The following LPP variants were observed in gnomAD, a reference collection of about 807,000 sequenced individuals.
LPP encodes the protein lipoma-preferred partner.
In LPP, 38 loss-of-function variants were observed where a neutral mutation model predicts 60.4. The ratio of observed to expected loss-of-function variants is 0.63; its 90% confidence interval spans 0.49 to 0.83. The LOEUF (loss-of-function observed/expected upper bound fraction) is 0.83, where lower values mean the gene tolerates loss of function less well. Among genes scored for constraint, LPP ranks in the 40% least tolerant of loss-of-function variants. LPP has a pLI of 0.00. For synonymous variants in LPP, 328 were observed against 290.8 expected (o/e 1.13, Z -1.30); for missense variants, 902 against 783.6 (o/e 1.15, Z -1.80).
chr3:188,509,099 C>T (rs73054747), intron 5 of LPP, among the ~76,000 whole-genome samples: 4 of 152,240 alleles, frequency 2.6e-5, no homozygotes, highest in East Asian at 1.9e-4. Flanking sequence ...TATTTTAGGA[C>T]GTATCTTTGG....
chr3:188,562,245 T>C (rs1294702859), intron 6 of LPP: 3 of 152,046 alleles, frequency 2.0e-5, no homozygotes, highest in Non-Finnish European at 1.5e-5. Flanking sequence ...AAATCAAGTG[T>C]ACCAGCATCT....
chr3:188,495,083 T>TATATATATATATATATATATATTTA (rs57578460), intron 5 of LPP, among the ~76,000 whole-genome samples: 6 of 77,788 alleles, frequency 7.7e-5, no homozygotes, highest in African/African-American at 2.6e-4. Context: ...TATATATATA[T>TATATATATATATATATATATATTTA]TTTATTTATA....
At chr3:188,290,667 C>T (rs1224652528) in intron 2 of LPP, among the ~76,000 whole-genome samples, 1 of 152,158 alleles carries the variant, frequency 6.6e-6, no homozygotes, top group Non-Finnish European at 1.5e-5. Flanking sequence ...CTACTAATGA[C>T]CTTGGAAAAG....
At position 188,535,125 on chromosome 3, in the gene LPP, G is replaced by A. The variant is rs3796287; in HGVS notation, c.429+10338G>A. ...TACAAATGCGGACAGAACCATTTGC[G>A]CATTTTGGTCTCTCTGCTTTGGGTC... On this transcript the variant is annotated intron_variant, in intron 6 of 11. Transcript: ENST00000617246. 3.7e-4 allele frequency among the ~76,000 whole-genome samples: 56 copies of A among 151,898 alleles called. No individual in the cohort carries two copies. The South Asian group carries it at 0.01, about 28-fold the overall frequency.
chr3:188,341,293 C>G (rs1363411810), intron 2 of LPP, among the ~76,000 whole-genome samples: 2 of 152,200 alleles, frequency 1.3e-5, no homozygotes. Context: ...CAAATTCATG[C>G]CCTGCCAGAT....
Position 188,886,048 on chromosome 3 carries a change from A to G in LPP, c.*11569A>G, listed in dbSNP as rs1770619207. On this transcript the variant is annotated 3_prime_UTR_variant, in exon 12 of 12. Coordinates refer to ENST00000617246, the MANE Select transcript of LPP (RefSeq NM_001375462.1). Reference sequence around the variant, plus strand: ...TCATCATTCTCAGTAAACTATCTCAAGGACAAAAAACCAAACACCACATGT... The same window carrying G: ...TCATCATTCTCAGTAAACTATCTCAGGGACAAAAAACCAAACACCACATGT... 6.6e-6 allele frequency: 1 copy of G among 152,018 alleles called. No homozygotes were observed. The highest frequency in any genetic ancestry group is 2.4e-5 in the African/African-American group (1 of 41,396). 9.4% of individuals were successfully genotyped at this position (152,018 alleles called of 1,614,324 possible). A position where few individuals can be genotyped will look rare whatever the true frequency, so the allele number is the denominator to read the frequency against.
Position 188,876,183 on chromosome 3 carries a change from G to T in LPP, c.*1704G>T, listed in dbSNP as rs1769235125. 1 of 186,500 alleles carries T rather than the reference G, an allele frequency of 5.4e-6. No individual in the cohort carries two copies. The highest frequency in any genetic ancestry group is 1.1e-5 in the Non-Finnish European group (1 of 88,078). The allele number at this position is 186,500 out of a possible 1,614,324, so 11.6% of individuals were successfully genotyped here. A position where few individuals can be genotyped will look rare whatever the true frequency, so the allele number is the denominator to read the frequency against. On this transcript the variant is annotated 3_prime_UTR_variant, in exon 12 of 12. Coordinates refer to ENST00000617246, the MANE Select transcript of LPP (RefSeq NM_001375462.1). ...CATCAGAACTGAAATAAAAAATTATGGATACGTGTTTTGAATTGCAAACTA... is the reference window on the plus strand; with the variant it reads ...CATCAGAACTGAAATAAAAAATTATTGATACGTGTTTTGAATTGCAAACTA...
rs75426505 is a variant in LPP at position 188,449,001 on chromosome 3, C to T, written c.194-35591C>T. ...GGGCCTTTCGTAGTCAGAGATTATA[C>T]TAAGATAGCAAAAAATAGAAAGTGA... On this transcript the variant is annotated intron_variant, in intron 4 of 11. Transcript: ENST00000617246. 7.3e-3 allele frequency among the ~76,000 whole-genome samples: 1,114 copies of T among 152,230 alleles called. 10 individuals carry two copies. Among genetic ancestry groups the T allele is most frequent in the Non-Finnish European group, 0.012 (846 of 68,018 alleles).
At chr3:188,261,342 C>T (rs930095744) in intron 2 of LPP, among the ~76,000 whole-genome samples, 1 of 148,916 alleles carries the variant, frequency 6.7e-6, no homozygotes, top group Non-Finnish European at 1.5e-5. Flanking sequence ...TTTAGAGTCT[C>T]TCTTTCTCTC....
At chr3:188,230,850 G>A (rs907280273) in intron 2 of LPP, among the ~76,000 whole-genome samples, 2 of 152,140 alleles carry the variant, frequency 1.3e-5, no homozygotes, top group African/African-American at 2.4e-5. Context: ...GCTTGGATGG[G>A]TGCCACAAGA....
chr3:188,347,974 C>T (rs1275655352), intron 3 of LPP, among the ~76,000 whole-genome samples: 2 of 152,274 alleles, frequency 1.3e-5, no homozygotes, highest in African/African-American at 4.8e-5. Context: ...GTAGTATCTA[C>T]TTTTATTTCC....
chr3:188,178,306 T>C (rs1422090466), intron 1 of LPP, among the ~76,000 whole-genome samples: 2 of 152,354 alleles, frequency 1.3e-5, no homozygotes, highest in Non-Finnish European at 1.5e-5. Context: ...CTCTTTTCTG[T>C]CTGGAAGTCC....
intron 7 of LPP, among the ~76,000 whole-genome samples, chr3:188,663,688 C>T (rs969436572): frequency 2.0e-5 from 3 of 152,140 alleles, no homozygotes; most frequent in Admixed American, 1.3e-4. Flanking sequence ...GACCTTGTAA[C>T]GCAGTGGTCT....
chr3:188,547,030 A>G (rs1238581593), intron 6 of LPP, among the ~76,000 whole-genome samples: 1 of 152,212 alleles, frequency 6.6e-6, no homozygotes, highest in East Asian at 1.9e-4. Flanking sequence ...ATGATAATGA[A>G]TCTATGAACA....
intron 1 of LPP, chr3:188,212,768 GA>G (rs1711784470): frequency 6.6e-6 from 1 of 152,208 alleles, no homozygotes; most frequent in South Asian, 2.1e-4. Context: ...GTAGTGGACT[GA>G]GGGCCTGCAA....
intron 6 of LPP, among the ~76,000 whole-genome samples, chr3:188,602,995 A>G (rs1456218849): frequency 6.7e-6 from 1 of 150,198 alleles, no homozygotes; most frequent in Non-Finnish European, 1.5e-5. Flanking sequence ...ACCTGCAGAA[A>G]TTGTTTTATT....
intron 1 of LPP, among the ~76,000 whole-genome samples, chr3:188,174,934 A>T (rs1431859489): frequency 6.6e-6 from 1 of 151,962 alleles, no homozygotes; most frequent in Non-Finnish European, 1.5e-5. Context: ...TCTTGTAGTT[A>T]TCAATATGCT....
rs1399799597 is a variant in LPP at position 188,490,573 on chromosome 3, A to G, written c.306+5869A>G. Among the ~76,000 whole-genome samples the G allele has an allele frequency of 2.0e-5, 3 of 151,538 alleles. No individual in the cohort carries two copies. The East Asian group carries it at 5.8e-4, about 30-fold the overall frequency. On this transcript the variant is annotated intron_variant, in intron 5 of 11. Coordinates refer to ENST00000617246, the MANE Select transcript of LPP (RefSeq NM_001375462.1). ...GAGATGGGGTTTCGCCACACAGGCCAGTCTGGTCTTGAACTCCTGACTTCG... is the reference window on the plus strand; with the variant it reads ...GAGATGGGGTTTCGCCACACAGGCCGGTCTGGTCTTGAACTCCTGACTTCG...
At chr3:188,472,168 T>A (rs771618285) in intron 4 of LPP, among the ~76,000 whole-genome samples, 21 of 152,186 alleles carry the variant, frequency 1.4e-4, no homozygotes, top group Non-Finnish European at 2.8e-4. Context: ...CCAAATAAAA[T>A]TAGATGAATT....
Sources: gnomAD v4.1 joint callset for allele counts (sites outside exome capture counted in the v4.1 genomes callset) on GRCh38, gnomAD v4.1.1 for gene constraint, MANE v1.5 for transcripts, NCBI Gene and HGNC (gene_info 2026-07-23, HGNC 2026-07-21) for gene names.